Variants in ADCY5 observed in about 807,000 individuals in gnomAD.
The protein encoded by ADCY5 is adenylate cyclase type 5.
Under a neutral mutation model 119.7 loss-of-function variants are expected in ADCY5, and 30 were observed. The ratio of observed to expected loss-of-function variants is 0.25; its 90% CI spans 0.19 to 0.34. The LOEUF is 0.34. Among genes scored for constraint, ADCY5 ranks in the 10% least tolerant of loss-of-function variants. The pLI is 1.00. For synonymous variants in ADCY5, 753 were observed against 762.2 expected, an observed-to-expected ratio of 0.99 and a Z score of 0.20; for missense variants, 1,324 against 1,775.2, an observed-to-expected ratio of 0.75 and a Z score of 4.57.
chr3:123,347,117 T>C (rs1041050138), intron 3 of ADCY5, among the ~76,000 whole-genome samples: 26 of 152,064 alleles, frequency 1.7e-4, no homozygotes, highest in African/African-American at 5.8e-4. Context: ...TTCCCCACCC[T>C]TTTTTCTTTC....
At chr3:123,319,063 C>T (rs1025714440) in intron 10 of ADCY5, among the ~76,000 whole-genome samples, 3 of 152,154 alleles carry the variant, frequency 2.0e-5, no homozygotes, top group Non-Finnish European at 1.5e-5. Context: ...CTGTTTCATA[C>T]ATAGAAACTG....
chr3:123,408,554 GC>G (rs1457827637), intron 1 of ADCY5, among the ~76,000 whole-genome samples: 1 of 151,804 alleles, frequency 6.6e-6, no homozygotes, highest in African/African-American at 2.4e-5. Context: ...TACTCGACAG[GC>G]TGAGGCGGAA....
At chr3:123,332,796 C>T in intron 3 of ADCY5, 121 bp from the exon 4 acceptor site, 1 of 691,638 alleles carries the variant, frequency 1.4e-6, no homozygotes, top group South Asian at 1.7e-5. Context: ...GCTCTATTGC[C>T]CAGGCTGGAG....
chr3:123,339,242 G>T (rs2108443522), intron 3 of ADCY5, among the ~76,000 whole-genome samples: 1 of 152,142 alleles, frequency 6.6e-6, no homozygotes, highest in South Asian at 2.1e-4. Flanking sequence ...CCCTCCATTT[G>T]CCCCCCATCA....
intron 3 of ADCY5, among the ~76,000 whole-genome samples, chr3:123,340,028 G>T (rs1942203279): frequency 6.6e-6 from 1 of 152,142 alleles, no homozygotes; most frequent in Non-Finnish European, 1.5e-5. Flanking sequence ...AGTGGCTCAT[G>T]CCTATAATCC....
intron 1 of ADCY5, among the ~76,000 whole-genome samples, chr3:123,417,946 C>T (rs1165041807): frequency 1.3e-5 from 2 of 152,178 alleles, no homozygotes; most frequent in South Asian, 2.1e-4. Flanking sequence ...TCCAACAGAG[C>T]GAGACTCTGG....
At chr3:123,445,673 T>A (rs1183935819) in intron 1 of ADCY5, among the ~76,000 whole-genome samples, 1 of 150,924 alleles carries the variant, frequency 6.6e-6, no homozygotes, top group Non-Finnish European at 1.5e-5. Context: ...TCTCTAAAGA[T>A]TTTTTTTTTC....
At chr3:123,401,222 C>T (rs963082688) in intron 1 of ADCY5, among the ~76,000 whole-genome samples, 2 of 151,956 alleles carry the variant, frequency 1.3e-5, no homozygotes, top group Admixed American at 6.6e-5. Flanking sequence ...TTTGAAGGTC[C>T]CCAAGAGCAC....
intron 1 of ADCY5, among the ~76,000 whole-genome samples, chr3:123,401,916 A>G (rs1944766298): frequency 6.6e-6 from 1 of 152,212 alleles, no homozygotes; most frequent in Admixed American, 6.5e-5. Context: ...CAGAATCCAC[A>G]GTCAAAGACC....
intron 14 of ADCY5, among the ~76,000 whole-genome samples, chr3:123,301,134 G>A (rs1392496351): frequency 6.6e-6 from 1 of 150,712 alleles, no homozygotes; most frequent in Non-Finnish European, 1.5e-5. Context: ...GCTGTCCCTT[G>A]ATGCAGATGA....
chr3:123,327,403 T>C (rs1334415906), intron 7 of ADCY5, among the ~76,000 whole-genome samples: 1 of 152,264 alleles, frequency 6.6e-6, no homozygotes, highest in African/African-American at 2.4e-5. Flanking sequence ...TGAGGCCTGT[T>C]GCATTTTTGC....
chr3:123,358,192 G>GTA (rs1460997558), intron 1 of ADCY5, among the ~76,000 whole-genome samples: 69 of 148,212 alleles, frequency 4.7e-4, no homozygotes, highest in Middle Eastern at 3.5e-3. Flanking sequence ...GTGTGTGTGT[G>GTA]TGTAGGGAGT....
chr3:123,367,475 A>G (rs149603223), intron 1 of ADCY5, among the ~76,000 whole-genome samples: 2 of 152,296 alleles, frequency 1.3e-5, no homozygotes, highest in African/African-American at 4.8e-5. Context: ...AGTGCAATCA[A>G]GTTGCTCTCT....
chr3:123,396,816 AG>A (rs1944603699), intron 1 of ADCY5, among the ~76,000 whole-genome samples: 1 of 66,280 alleles, frequency 1.5e-5, no homozygotes, highest in African/African-American at 7.1e-5. Flanking sequence ...GCAGGCAGGC[AG>A]GCGAGAGAGA....
intron 3 of ADCY5, among the ~76,000 whole-genome samples, chr3:123,334,129 A>G (rs1447643661): frequency 6.6e-6 from 1 of 152,188 alleles, no homozygotes. Context: ...AAGGGACACA[A>G]AAATCTAAAA....
Position 123,332,639 on chromosome 3 carries a change from C to G in ADCY5, c.1443G>C (p.Leu481=). 1 of 1,613,826 alleles carries G rather than the reference C, an allele frequency of 6.2e-7. No individual in the cohort carries two copies. ...GTTCCTGTGCAGTGCACTGGGACGC[C>G]AGGCTGGTGAAGCCCTCGATGTCAG... The part of the protein sequence containing the change: ...LFADIEGFTS[L]ASQCTAQELV... Residue 481 remains leucine (L), a synonymous_variant, in exon 4 of 21, where the codon CTG becomes CTC. Transcript: ENST00000462833.
At chr3:123,361,818 C>T (rs913087745) in intron 1 of ADCY5, among the ~76,000 whole-genome samples, 8 of 152,138 alleles carry the variant, frequency 5.3e-5, no homozygotes, top group African/African-American at 1.9e-4. Context: ...TACATGTAGC[C>T]TGAAGGTAAT....
intron 11 of ADCY5, among the ~76,000 whole-genome samples, chr3:123,316,685 A>G (rs1208492667): frequency 6.6e-6 from 1 of 152,228 alleles, no homozygotes; most frequent in East Asian, 1.9e-4. Flanking sequence ...CCCTGGCTAC[A>G]AATAAACTAA....
chr3:123,434,569 G>A (rs1945575406), intron 1 of ADCY5, among the ~76,000 whole-genome samples: 1 of 152,160 alleles, frequency 6.6e-6, no homozygotes. Flanking sequence ...ACATAAACAA[G>A]TCCTTTGTCA....
Sources: gnomAD v4.1 joint callset for allele counts (sites outside exome capture counted in the v4.1 genomes callset) on GRCh38, gnomAD v4.1.1 for gene constraint, MANE v1.5 for transcripts, NCBI Gene and HGNC (gene_info 2026-07-23, HGNC 2026-07-21) for gene names.